The following GCLC variants were observed in gnomAD, a reference collection of about 807,000 sequenced individuals.
GCLC encodes the protein glutamate-cysteine ligase catalytic subunit.
GCLC carries 30 observed loss-of-function variants against 81.5 expected under a neutral mutation model. The observed-to-expected ratio is 0.37, with a 90% confidence interval of 0.28 to 0.50. The LOEUF (loss-of-function observed/expected upper bound fraction) is 0.50. Among genes scored for constraint, GCLC ranks in the 20% least tolerant of loss-of-function variants. GCLC has a pLI of 0.96. For missense variants in GCLC, 556 were observed against 777.4 expected (o/e 0.72, Z 3.39); for synonymous variants, 262 against 273.3 (o/e 0.96, Z 0.41).
At chr6:53,517,079 A>T (rs867312462) in intron 3 of GCLC, among the ~76,000 whole-genome samples, 1,216 of 104,390 alleles carry the variant, frequency 0.012, 16 homozygotes, top group Middle Eastern at 0.042. Context: ...TTAAAAAAAA[A>T]TTTTTTTTTT....
chr6:53,508,834 ACCTGTG>A, intron 7 of GCLC, 123 bp from the exon 8 acceptor site: 2 of 739,280 alleles, frequency 2.7e-6, no homozygotes, highest in Non-Finnish European at 2.5e-6. Flanking sequence ...GAGCACATGT[ACCTGTG>A]CCTATCTTAC....
intron 1 of GCLC, among the ~76,000 whole-genome samples, chr6:53,536,188 A>G (rs1384472427): frequency 6.6e-6 from 1 of 152,248 alleles, no homozygotes; most frequent in Non-Finnish European, 1.5e-5. Flanking sequence ...AAAAGAGGAT[A>G]TGCTGGATGA....
intron 11 of GCLC, 53 bp downstream of exon 11, chr6:53,505,750 C>T (rs1764602049): frequency 9.8e-7 from 1 of 1,020,460 alleles, no homozygotes; most frequent in Non-Finnish European, 1.6e-6. Flanking sequence ...GGGTGATGAA[C>T]AGCTGGCGAA....
At chr6:53,526,816 A>T (rs1386082797) in intron 1 of GCLC, among the ~76,000 whole-genome samples, 1 of 148,532 alleles carries the variant, frequency 6.7e-6, no homozygotes, top group Non-Finnish European at 1.5e-5. Flanking sequence ...AAAAAAAAAA[A>T]ACAATTTGAG....
chr6:53,499,126 G>A (rs541797316), intron 15 of GCLC, among the ~76,000 whole-genome samples, 159 bp from the exon 16 acceptor site: 3 of 152,236 alleles, frequency 2.0e-5, no homozygotes, highest in African/African-American at 4.8e-5. Context: ...CTTTCATAGC[G>A]TTTGAAGAAC....
At chr6:53,522,919 T>A (rs1763022828) in intron 1 of GCLC, 1 of 234,200 alleles carries the variant, frequency 4.3e-6, no homozygotes, top group Non-Finnish European at 8.5e-6. Flanking sequence ...AAAGAGGTTA[T>A]CTGGACATTC....
intron 1 of GCLC, among the ~76,000 whole-genome samples, chr6:53,537,788 G>C (rs1014349164): frequency 7.2e-5 from 11 of 151,738 alleles, no homozygotes; most frequent in Admixed American, 5.3e-4. Context: ...ATTCCTCAAT[G>C]ACCACAGCTA....
intron 12 of GCLC, among the ~76,000 whole-genome samples, chr6:53,504,991 G>C (rs1311708212): frequency 6.6e-6 from 1 of 152,094 alleles, no homozygotes; most frequent in Non-Finnish European, 1.5e-5. Context: ...TTGGTCTTTT[G>C]GGGGGCAGAT....
intron 4 of GCLC, among the ~76,000 whole-genome samples, chr6:53,515,343 T>C (rs956675005): frequency 1.3e-5 from 2 of 152,250 alleles, no homozygotes; most frequent in Non-Finnish European, 2.9e-5. Flanking sequence ...GGTGCATCTT[T>C]TGACATCTGT....
At position 53,497,683 on chromosome 6, in the gene GCLC, A is replaced by AT. The variant is rs1317965955; in HGVS notation, c.*1072dup. The AT allele has an allele frequency of 6.6e-6, 1 of 152,634 alleles. No homozygotes were observed. The highest frequency in any genetic ancestry group is 1.5e-5 in the Non-Finnish European group (1 of 68,040). 9.5% of individuals were successfully genotyped at this position (152,634 alleles called of 1,614,324 possible). A position where few individuals can be genotyped will look rare whatever the true frequency, so the allele number is the denominator to read the frequency against. On this transcript the variant is annotated 3_prime_UTR_variant, in exon 16 of 16. Coordinates refer to ENST00000650454, the MANE Select transcript of GCLC (RefSeq NM_001498.4). Reference sequence around the variant, plus strand: ...CAACAAACTTCAACGCAAAGCTATAATAATTATCTGAAACTTATTTACAAT... The same window carrying AT: ...CAACAAACTTCAACGCAAAGCTATAATTAATTATCTGAAACTTATTTACAAT...
At chr6:53,529,766 T>G (rs1763142202) in intron 1 of GCLC, among the ~76,000 whole-genome samples, 1 of 152,224 alleles carries the variant, frequency 6.6e-6, no homozygotes, top group Non-Finnish European at 1.5e-5. Context: ...AGACAGAAGC[T>G]GCTTTGGATC....
intron 1 of GCLC, among the ~76,000 whole-genome samples, chr6:53,533,985 G>T (rs1763215949): frequency 6.6e-6 from 1 of 151,846 alleles, no homozygotes; most frequent in African/African-American, 2.4e-5. Context: ...GTAGAGAGGG[G>T]GTTTTCACCA....
At chr6:53,524,190 G>A (rs1308793599) in intron 1 of GCLC, among the ~76,000 whole-genome samples, 1 of 152,160 alleles carries the variant, frequency 6.6e-6, no homozygotes, top group East Asian at 1.9e-4. Flanking sequence ...GCATGCAAAA[G>A]CAGGCTTGAT....
chr6:53,541,619 C>T lies in GCLC; in HGVS notation c.150+2877G>A, dbSNP rs191569216. On this transcript the variant is annotated intron_variant, in intron 1 of 15. Coordinates refer to ENST00000650454, the MANE Select transcript of GCLC (RefSeq NM_001498.4). ...TTAATATGTTAGTAGGGTGGGGGGG[C>T]GGTGGGGGAACAAAGGAACTTGTGG... Among the ~76,000 whole-genome samples, 15 of 149,140 alleles carry T rather than the reference C, an allele frequency of 1.0e-4. No individual in the cohort carries two copies. The South Asian group carries it at 1.3e-3, about 13-fold the overall frequency.
intron 1 of GCLC, among the ~76,000 whole-genome samples, chr6:53,540,322 C>CAAAAAAAAAAAAAAAAAAAAAAAAACAA (rs35612064): frequency 8.0e-6 from 1 of 124,582 alleles, no homozygotes; most frequent in African/African-American, 3.4e-5. Context: ...TATTCAGCCT[C>CAAAAAAAAAAAAAAAAAAAAAAAAACAA]AAAAAAGAAA....
intron 1 of GCLC, among the ~76,000 whole-genome samples, chr6:53,542,509 G>C (rs900403962): frequency 1.4e-4 from 21 of 151,770 alleles, no homozygotes; most frequent in African/African-American, 3.4e-4. Context: ...TTTTTTAAAA[G>C]GGTAAGATTA....
chr6:53,511,534 C>A (rs952262390), intron 6 of GCLC, among the ~76,000 whole-genome samples: 22 of 152,008 alleles, frequency 1.4e-4, no homozygotes, highest in African/African-American at 5.1e-4. Context: ...GTAGGTGAAT[C>A]CTGGGAAATT....
chr6:53,530,965 G>C (rs1189183105), intron 1 of GCLC, among the ~76,000 whole-genome samples: 1 of 152,108 alleles, frequency 6.6e-6, no homozygotes, highest in African/African-American at 2.4e-5. Context: ...TAATAGGTGG[G>C]GGAGCAGCTA....
intron 1 of GCLC, among the ~76,000 whole-genome samples, chr6:53,524,093 G>C (rs1763042736): frequency 6.6e-6 from 1 of 152,172 alleles, no homozygotes; most frequent in African/African-American, 2.4e-5. Flanking sequence ...TCTCAGAATG[G>C]GTATGTGAAA....
Sources: allele counts gnomAD v4.1 joint callset (sites outside exome capture counted in the v4.1 genomes callset), GRCh38; gene constraint gnomAD v4.1.1; transcripts MANE v1.5; gene names NCBI Gene and HGNC (gene_info 2026-07-23, HGNC 2026-07-21).